ABHD17C: variants seen among roughly 807,000 people sequenced by gnomAD.
ABHD17C encodes the protein abhydrolase domain containing 17C, depalmitoylase, also known as alpha/beta hydrolase domain-containing protein 17C.
Under a neutral mutation model 27.9 loss-of-function variants are expected in ABHD17C, and 11 were observed. The observed-to-expected ratio is 0.39, with a 90% CI of 0.25 to 0.65. ABHD17C has a LOEUF of 0.65. Ranked by LOEUF, ABHD17C falls within the 30% of genes least tolerant of loss-of-function variation. The pLI is 0.45. For missense variants in ABHD17C, 280 were observed against 470.2 expected (o/e 0.60, Z 3.74); for synonymous variants, 233 against 209.1 (o/e 1.11, Z -0.98).
At chr15:80,736,138 G>C (rs983344284) in intron 1 of ABHD17C, among the ~76,000 whole-genome samples, 1 of 152,180 alleles carries the variant, frequency 6.6e-6, no homozygotes, top group Admixed American at 6.5e-5. Flanking sequence ...TATCCACATA[G>C]CACCAAAACA....
intron 1 of ABHD17C, among the ~76,000 whole-genome samples, chr15:80,710,966 G>A (rs923677556): frequency 1.5e-4 from 23 of 152,114 alleles, no homozygotes; most frequent in African/African-American, 4.6e-4. Flanking sequence ...AGCTGTAGGC[G>A]CTCATCAGAC....
intron 1 of ABHD17C, among the ~76,000 whole-genome samples, chr15:80,726,501 G>GTTTTTTTTTTTTTTTTTT (rs10572505): frequency 1.6e-4 from 15 of 94,508 alleles, no homozygotes; most frequent in African/African-American, 7.5e-4. Context: ...TCTTTTTCTG[G>GTTTTTTTTTTTTTTTTTT]TTTTTTTTTT....
intron 1 of ABHD17C, 129 bp downstream of exon 1, chr15:80,696,148 C>T (rs1894492400): frequency 1.0e-6 from 1 of 976,964 alleles, no homozygotes; most frequent in Non-Finnish European, 1.5e-6. Flanking sequence ...AGCGGAGAGC[C>T]CCTTGGCCGC....
intron 1 of ABHD17C, among the ~76,000 whole-genome samples, chr15:80,707,482 T>C (rs917575812): frequency 6.6e-6 from 1 of 152,186 alleles, no homozygotes; most frequent in African/African-American, 2.4e-5. Context: ...GTCCAATCTT[T>C]TGGCTTCCCT....
chr15:80,729,985 G>T (rs1206920660), intron 1 of ABHD17C, among the ~76,000 whole-genome samples: 1 of 152,086 alleles, frequency 6.6e-6, no homozygotes, highest in East Asian at 1.9e-4. Flanking sequence ...CAGGCTTGGT[G>T]GTGCGTGCCT....
At chr15:80,709,387 G>A (rs928587533) in intron 1 of ABHD17C, among the ~76,000 whole-genome samples, 21 of 151,552 alleles carry the variant, frequency 1.4e-4, no homozygotes, top group African/African-American at 4.8e-4. Flanking sequence ...TACTTGGGAG[G>A]CTGAGGCATG....
intron 1 of ABHD17C, among the ~76,000 whole-genome samples, chr15:80,718,031 AAAAT>A (rs1894832291): frequency 6.6e-6 from 1 of 152,156 alleles, no homozygotes; most frequent in African/African-American, 2.4e-5. Context: ...TGATTATTGA[AAAAT>A]AAATAAATAG....
At chr15:80,753,669 T>C (rs754092581) in intron 2 of ABHD17C, among the ~76,000 whole-genome samples, 14 of 152,166 alleles carry the variant, frequency 9.2e-5, no homozygotes, top group Non-Finnish European at 1.9e-4. Flanking sequence ...GTCTTCCGAG[T>C]AGCTGAGATT....
At chr15:80,717,600 G>A (rs1894825069) in intron 1 of ABHD17C, among the ~76,000 whole-genome samples, 1 of 152,086 alleles carries the variant, frequency 6.6e-6, no homozygotes, top group South Asian at 2.1e-4. Flanking sequence ...TAGCCAGGCT[G>A]GTCTTGAACT....
intron 1 of ABHD17C, among the ~76,000 whole-genome samples, chr15:80,737,078 A>AACCTGTACTCAGCATATC (rs1344221478): frequency 6.6e-6 from 1 of 152,102 alleles, no homozygotes; most frequent in East Asian, 1.9e-4. Context: ...CGTGCTGATC[A>AACCTGTACTCAGCATATC]ACCTGTACTC....
chr15:80,726,173 A>G (rs866548694), intron 1 of ABHD17C, among the ~76,000 whole-genome samples: 68 of 152,346 alleles, frequency 4.5e-4, no homozygotes, highest in Admixed American at 6.5e-4. Flanking sequence ...CGCTCATGCT[A>G]TTGTTTGTGG....
At chr15:80,744,707 T>A (rs542768029) in intron 1 of ABHD17C, among the ~76,000 whole-genome samples, 26 of 152,244 alleles carry the variant, frequency 1.7e-4, no homozygotes, top group Non-Finnish European at 3.2e-4. Context: ...GCCTAATAAC[T>A]AAAGGAAATT....
chr15:80,746,777 C>T (rs1895292379), intron 1 of ABHD17C, among the ~76,000 whole-genome samples: 1 of 152,198 alleles, frequency 6.6e-6, no homozygotes, highest in South Asian at 2.1e-4. Flanking sequence ...GGGTCGGTGC[C>T]TGTTCCTTCC....
chr15:80,721,798 G>T (rs6495521), intron 1 of ABHD17C, among the ~76,000 whole-genome samples: 5,316 of 152,136 alleles, frequency 0.035, 314 homozygotes, highest in African/African-American at 0.12. Context: ...GACACACGCA[G>T]CCAGTAGGGC....
chr15:80,737,723 G>A (rs1036834263), intron 1 of ABHD17C, among the ~76,000 whole-genome samples: 72 of 152,138 alleles, frequency 4.7e-4, no homozygotes, highest in Non-Finnish European at 1.9e-4. Flanking sequence ...AGGTAGGACC[G>A]GAATGGACCT....
chr15:80,701,581 A>C lies in ABHD17C; in HGVS notation c.590+5562A>C, dbSNP rs368802990. On this transcript the variant is annotated intron_variant, in intron 1 of 2. Transcript: ENST00000258884. ...ATAATCCCACCTACTCAAGAGGCCG[A>C]GGCATGAGAATGGCTTGAACCCGGG... 2.2e-3 allele frequency among the ~76,000 whole-genome samples: 337 copies of C among 151,742 alleles called. 2 individuals are homozygous for C. The highest frequency in any genetic ancestry group is 7.8e-3 in the African/African-American group (324 of 41,342).
intron 1 of ABHD17C, among the ~76,000 whole-genome samples, chr15:80,725,057 G>A (rs1176436761): frequency 2.6e-5 from 4 of 152,160 alleles, no homozygotes; most frequent in Non-Finnish European, 5.9e-5. Context: ...ACAAAGAATT[G>A]CAGGGAAGAG....
intron 2 of ABHD17C, among the ~76,000 whole-genome samples, chr15:80,750,115 G>A (rs1225642792): frequency 6.6e-6 from 1 of 152,184 alleles, no homozygotes; most frequent in Non-Finnish European, 1.5e-5. Flanking sequence ...CTTCAAGCAA[G>A]CACAGTTTGG....
At position 80,699,559 on chromosome 15, in the gene ABHD17C, T is replaced by A. The variant is rs555667301; in HGVS notation, c.590+3540T>A. On this transcript the variant is annotated intron_variant, in intron 1 of 2. Transcript: ENST00000258884. ...ATCCTTTGTATGTCTCTACATCTTT[T>A]ATCCATTACCTATTTGTGCCAGCTC... Among the ~76,000 whole-genome samples the A allele has an allele frequency of 1.1e-4, 17 of 152,360 alleles. 1 individual carries two copies. In the South Asian group the frequency reaches 3.5e-3, roughly 32 times the overall value.
Sources: allele counts gnomAD v4.1 joint callset (sites outside exome capture counted in the v4.1 genomes callset), GRCh38; gene constraint gnomAD v4.1.1; transcripts MANE v1.5; gene names NCBI Gene and HGNC (gene_info 2026-07-23, HGNC 2026-07-21).